The following INPP4A variants were observed in gnomAD, a reference collection of about 807,000 sequenced individuals.
INPP4A encodes the protein inositol polyphosphate-4-phosphatase, type I, 107kD.
INPP4A carries 33 observed loss-of-function variants against 119.8 expected under a neutral mutation model. The ratio of observed to expected loss-of-function variants is 0.28; its 90% CI spans 0.21 to 0.37. The LOEUF (loss-of-function observed/expected upper bound fraction) is 0.37. Among genes scored for constraint, INPP4A ranks in the 10% least tolerant of loss-of-function variants. The pLI is 1.00. For missense variants in INPP4A, 956 were observed against 1,289.9 expected, an observed-to-expected ratio of 0.74 and a Z score of 3.97; for synonymous variants, 496 against 500.7, an observed-to-expected ratio of 0.99 and a Z score of 0.12.
rs536727178 is a variant in INPP4A at position 98,519,820 on chromosome 2, T to A, written c.-103-126T>A. 11 of 533,482 alleles carry A rather than the reference T, an allele frequency of 2.1e-5. No individual in the cohort carries two copies. The East Asian group carries it at 3.6e-4, about 18-fold the overall frequency. The allele number at this position is 533,482 out of a possible 1,614,324, so 33.0% of individuals were successfully genotyped here. On this transcript the variant is annotated intron_variant, in intron 2 of 24. Transcript: ENST00000409851. ...GGGAGCAGTGGACAGTCCACCCCGG[T>A]TCCTCACATGCTGGGGAACCCTGTC...
At chr2:98,562,083 G>A (rs1019074424) in intron 17 of INPP4A, among the ~76,000 whole-genome samples, 4 of 152,180 alleles carry the variant, frequency 2.6e-5, no homozygotes, top group South Asian at 4.1e-4. Context: ...GGCCGGGGCC[G>A]GGCCTCCACA....
rs1179069503 is a variant in INPP4A at position 98,476,178 on chromosome 2, T to C, written c.-166+31093T>C. ...ATGAAGATTCACATTGTAGAAACTT[T>C]TAAAATTTGAGTTTCGATTGTTCCT... On this transcript the variant is annotated intron_variant, in intron 1 of 24. Transcript: ENST00000409851. 2.0e-5 allele frequency among the ~76,000 whole-genome samples: 3 copies of C among 152,252 alleles called. No homozygotes were observed. In the East Asian group the frequency reaches 5.8e-4, roughly 29 times the overall value.
intron 1 of INPP4A, among the ~76,000 whole-genome samples, chr2:98,510,190 A>T (rs1011217874): frequency 6.6e-6 from 1 of 152,184 alleles, no homozygotes; most frequent in Admixed American, 6.5e-5. Context: ...TGTGGGGAAG[A>T]TAGAGCTAAT....
At chr2:98,487,218 C>T (rs1376476729) in intron 1 of INPP4A, among the ~76,000 whole-genome samples, 1 of 152,122 alleles carries the variant, frequency 6.6e-6, no homozygotes, top group African/African-American at 2.4e-5. Flanking sequence ...ATGTTTTATT[C>T]ACATTTCCCT....
intron 9 of INPP4A, 106 bp downstream of exon 9, chr2:98,539,087 C>T (rs1170011064): frequency 1.6e-6 from 1 of 609,440 alleles, no homozygotes; most frequent in Non-Finnish European, 3.0e-6. Context: ...GCCATGCACC[C>T]TAATTGTCAC....
intron 1 of INPP4A, among the ~76,000 whole-genome samples, chr2:98,484,790 C>T (rs966316352): frequency 1.3e-5 from 2 of 152,080 alleles, no homozygotes; most frequent in African/African-American, 4.8e-5. Flanking sequence ...CTGACTTTTT[C>T]GCTTGTCAAG....
At chr2:98,536,063 C>A in intron 6 of INPP4A, 66 bp from the exon 7 acceptor site, 1 of 1,001,392 alleles carries the variant, frequency 1.0e-6, no homozygotes, top group African/African-American at 1.6e-5. Flanking sequence ...CTCTCTGGGG[C>A]CATGGTAATT....
intron 1 of INPP4A, among the ~76,000 whole-genome samples, chr2:98,496,492 G>A (rs555588995): frequency 6.6e-6 from 1 of 152,278 alleles, no homozygotes; most frequent in African/African-American, 2.4e-5. Flanking sequence ...GATCTCAAAA[G>A]CACAGGCAAC....
chr2:98,549,115 C>T, intron 13 of INPP4A: 2 of 648,958 alleles, frequency 3.1e-6, no homozygotes, highest in Non-Finnish European at 5.3e-6. Context: ...ACAGTCCTCC[C>T]TTCCAACTGC....
intron 24 of INPP4A, chr2:98,581,858 G>T: frequency 6.9e-7 from 1 of 1,452,010 alleles, no homozygotes; most frequent in Non-Finnish European, 9.0e-7. Context: ...GTCAAACCGT[G>T]GTCTGCCAAG....
At chr2:98,480,691 A>G (rs1330898395) in intron 1 of INPP4A, among the ~76,000 whole-genome samples, 1 of 152,174 alleles carries the variant, frequency 6.6e-6, no homozygotes, top group African/African-American at 2.4e-5. Context: ...ATTTGCACAC[A>G]TGGTCCCTCA....
Position 98,555,542 on chromosome 2 carries a change from T to G in INPP4A, c.1567-11T>G. ...GAGAGCTGACCCACATGGGCCCCTT[T>G]GATTTGGAAGGAGAAAGTGTGGCTG... is the stretch of plus-strand genomic sequence containing the variant. On this transcript the variant is annotated splice_polypyrimidine_tract_variant and intron_variant, in intron 15 of 24. Coordinates refer to ENST00000409851, the MANE Select transcript of INPP4A (RefSeq NM_001134225.2). The G allele has an allele frequency of 1.3e-6, 2 of 1,587,006 alleles. No individual in the cohort carries two copies. Among genetic ancestry groups the G allele is most frequent in the Non-Finnish European group, 1.7e-6 (2 of 1,162,634 alleles).
At chr2:98,472,201 C>T (rs542393531) in intron 1 of INPP4A, among the ~76,000 whole-genome samples, 1 of 152,288 alleles carries the variant, frequency 6.6e-6, no homozygotes, top group Non-Finnish European at 1.5e-5. Flanking sequence ...GAGGGCTGGG[C>T]CTTGAAAGTG....
chr2:98,479,563 C>T (rs1677977593), intron 1 of INPP4A, among the ~76,000 whole-genome samples: 1 of 152,122 alleles, frequency 6.6e-6, no homozygotes, highest in Admixed American at 6.5e-5. Context: ...TCCAGGTATG[C>T]CAGGAGGCAC....
intron 18 of INPP4A, among the ~76,000 whole-genome samples, chr2:98,563,940 T>G (rs1313382335): frequency 6.6e-6 from 1 of 151,278 alleles, no homozygotes; most frequent in Admixed American, 6.6e-5. Context: ...TGCGTTTTTT[T>G]TTTTTTTTTT....
chr2:98,467,092 G>T (rs966219297), intron 1 of INPP4A, among the ~76,000 whole-genome samples: 9 of 152,140 alleles, frequency 5.9e-5, no homozygotes, highest in Non-Finnish European at 1.0e-4. Flanking sequence ...GGGAGCTGTC[G>T]TGTGCTGAGC....
intron 24 of INPP4A, among the ~76,000 whole-genome samples, chr2:98,584,558 CA>C (rs1343981822): frequency 6.6e-6 from 1 of 152,286 alleles, no homozygotes; most frequent in Admixed American, 6.5e-5. Flanking sequence ...GCCTCAAGGA[CA>C]CCACGGCCTG....
At chr2:98,543,758 C>T in intron 10 of INPP4A, 119 bp from the exon 11 acceptor site, 1 of 1,285,764 alleles carries the variant, frequency 7.8e-7, no homozygotes, top group Non-Finnish European at 1.1e-6. Context: ...ATTGTCCTGG[C>T]CTGCCCTGGG....
At chr2:98,530,041 G>A (rs1688922101) in intron 4 of INPP4A, among the ~76,000 whole-genome samples, 3 of 152,150 alleles carry the variant, frequency 2.0e-5, no homozygotes, top group Non-Finnish European at 4.4e-5. Flanking sequence ...AGAAGCAACA[G>A]AAGAATTCTT....
Sources: allele counts gnomAD v4.1 joint callset (sites outside exome capture counted in the v4.1 genomes callset), GRCh38; gene constraint gnomAD v4.1.1; transcripts MANE v1.5; gene names NCBI Gene and HGNC (gene_info 2026-07-23, HGNC 2026-07-21).